CDPF1: variants seen among roughly 807,000 people sequenced by gnomAD.
CDPF1 encodes cysteine-rich DPF motif domain-containing protein 1.
CDPF1 carries 8 observed loss-of-function variants against 8.3 expected under a neutral mutation model. The ratio of observed to expected loss-of-function variants is 0.96; its 90% CI spans 0.57 to 1.74. CDPF1 has a LOEUF of 1.74. Among genes scored for constraint, CDPF1 ranks in the 40% most tolerant of loss-of-function variants. The pLI, the probability that CDPF1 is intolerant of heterozygous loss-of-function variation, is 0.00. For synonymous variants in CDPF1, 62 were observed against 62.9 expected, an observed-to-expected ratio of 0.99 and a Z score of 0.07; for missense variants, 151 against 155.3, an observed-to-expected ratio of 0.97 and a Z score of 0.15.
chr22:46,246,562 A>T lies in CDPF1; in HGVS notation c.225+548T>A. The stretch of plus-strand genomic sequence containing the variant: ...CACGCTGTGAAAGCCATGCTGCTCC[A>T]CTTCCATCCGTCCTTGGGTTTACAG... On this transcript the variant is annotated intron_variant, in intron 3 of 3. Coordinates refer to ENST00000314567, the MANE Select transcript of CDPF1 (RefSeq NM_207327.5). This position sits in a 1 kb window ranked among gnomAD's most constrained non-coding sequence, Gnocchi z 7.1. The T allele has an allele frequency of 1.5e-6, 2 of 1,333,192 alleles. No individual in the cohort carries two copies. The highest frequency in any genetic ancestry group is 2.0e-6 in the Non-Finnish European group (2 of 980,074). 82.6% of individuals were successfully genotyped at this position (1,333,192 alleles called of 1,614,324 possible).
Position 46,246,559 on chromosome 22 carries a change from T to G in CDPF1, c.225+551A>C. The G allele has an allele frequency of 7.6e-7, 1 of 1,312,264 alleles. No individual in the cohort carries two copies. Among genetic ancestry groups the G allele is most frequent in the South Asian group, 1.5e-5 (1 of 67,988 alleles). The allele number at this position is 1,312,264 out of a possible 1,614,324, so 81.3% of individuals were successfully genotyped here. On this transcript the variant is annotated intron_variant, in intron 3 of 3. Coordinates refer to ENST00000314567, the MANE Select transcript of CDPF1 (RefSeq NM_207327.5). The surrounding 1 kb of genome is among the most constrained non-coding windows in gnomAD (Gnocchi z 7.1). ...GGGCACGCTGTGAAAGCCATGCTGC[T>G]CCACTTCCATCCGTCCTTGGGTTTA...
rs998864957 is a variant in CDPF1 at position 46,246,800 on chromosome 22, A to G, written c.225+310T>C. On this transcript the variant is annotated intron_variant, in intron 3 of 3. Coordinates refer to ENST00000314567, the MANE Select transcript of CDPF1 (RefSeq NM_207327.5). The surrounding 1 kb of genome is among the most constrained non-coding windows in gnomAD (Gnocchi z 7.1). The stretch of plus-strand genomic sequence containing the variant: ...TGGAGATCCCTCCAAGAACATCTAG[A>G]AAGTAAGTCACCATCCTGGTGAGAG... 8 of 1,585,070 alleles carry G rather than the reference A, an allele frequency of 5.0e-6. No homozygotes were observed. The African/African-American group carries it at 1.1e-4, about 21-fold the overall frequency.
In CDPF1 at chr22:46,245,809, G is replaced by A. The variant is rs1936482412; in HGVS notation, c.226-571C>T. On this transcript the variant is annotated intron_variant, in intron 3 of 3. Coordinates refer to ENST00000314567, the MANE Select transcript of CDPF1 (RefSeq NM_207327.5). This position sits in a 1 kb window ranked among gnomAD's most constrained non-coding sequence, Gnocchi z 6.9. ...CATTCCCCAGCCCCCTCTGTAACTG[G>A]GCATCGCCATGTGACTCAGGCTGGT... Among the ~76,000 whole-genome samples, 1 of 152,204 alleles carries A rather than the reference G, an allele frequency of 6.6e-6. No homozygotes were observed. The highest frequency in any genetic ancestry group is 6.5e-5 in the Admixed American group (1 of 15,286).
rs1936491292 is a variant in CDPF1 at position 46,246,460 on chromosome 22, C to G, written c.225+650G>C. ...CTCGTCCCCCTGGCTATTGATACAGCTCCCCTTTGTGTGTGTCAACCTGTG... is the reference window on the plus strand; with the variant it reads ...CTCGTCCCCCTGGCTATTGATACAGGTCCCCTTTGTGTGTGTCAACCTGTG... On this transcript the variant is annotated intron_variant, in intron 3 of 3. Transcript: ENST00000314567. This position sits in a 1 kb window ranked among gnomAD's most constrained non-coding sequence, Gnocchi z 7.1. 6.6e-6 allele frequency among the ~76,000 whole-genome samples: 1 copy of G among 152,196 alleles called. No homozygotes were observed. Among genetic ancestry groups the G allele is most frequent in the Admixed American group, 6.5e-5 (1 of 15,280 alleles).
At position 46,245,045 on chromosome 22, in the gene CDPF1, A is replaced by T; in HGVS notation, c.*47T>A. On this transcript the variant is annotated 3_prime_UTR_variant, in exon 4 of 4. Transcript: ENST00000314567. This position sits in a 1 kb window ranked among gnomAD's most constrained non-coding sequence, Gnocchi z 6.9. Reference sequence around the variant, plus strand: ...CAGCATCCCTGGCGCAGGCTGGCCCAGGAGCTCTGTGCAGGGTGCCGCCCG... The same window carrying T: ...CAGCATCCCTGGCGCAGGCTGGCCCTGGAGCTCTGTGCAGGGTGCCGCCCG... 1.2e-6 allele frequency: 2 copies of T among 1,604,198 alleles called. No individual in the cohort carries two copies. Among genetic ancestry groups the T allele is most frequent in the Non-Finnish European group, 1.7e-6 (2 of 1,174,344 alleles).
chr22:46,247,163 G>A lies in CDPF1; in HGVS notation c.172C>T (p.Leu58=). The change falls in exon 3 of 4, where the codon CTG becomes TTG. Residue 58 remains leucine (L), a synonymous_variant. Transcript: ENST00000314567. The surrounding 1 kb of genome is among the most constrained non-coding windows in gnomAD (Gnocchi z 4.3). ...DPFTSDKDRF[L]VLGSCCSLCS... ...AAACTGCAGCACGAGCCGAGGACCA[G>A]GAATCTGTCCTTGTCGGAGGTGAAG... 6.2e-7 allele frequency: 1 copy of A among 1,614,162 alleles called. No individual in the cohort carries two copies. The highest frequency in any genetic ancestry group is 8.5e-7 in the Non-Finnish European group (1 of 1,180,012).
Position 46,247,914 on chromosome 22 carries a change from G to A in CDPF1, c.113+258C>T, listed in dbSNP as rs548205749. 1.0e-3 allele frequency among the ~76,000 whole-genome samples: 154 copies of A among 152,306 alleles called. No homozygotes were observed. The highest frequency in any genetic ancestry group is 3.3e-3 in the Admixed American group (51 of 15,308). ...GCCCCAAAGGGGGAGGCCACCACAG[G>A]TCCCCCAGCTGCTGAGCTGCTCCCC... On this transcript the variant is annotated intron_variant, in intron 2 of 3. Coordinates refer to ENST00000314567, the MANE Select transcript of CDPF1 (RefSeq NM_207327.5). This position sits in a 1 kb window ranked among gnomAD's most constrained non-coding sequence, Gnocchi z 4.3.
rs1256982255 is a variant in CDPF1, at chr22:46,249,744, G to C, written c.-1+512C>G. On this transcript the variant is annotated intron_variant, in intron 1 of 3. Coordinates refer to ENST00000314567, the MANE Select transcript of CDPF1 (RefSeq NM_207327.5). The surrounding 1 kb of genome is among the most constrained non-coding windows in gnomAD (Gnocchi z 4.6). ...ATCTACTCAGGAGACTGAGGTAGGA[G>C]AATCGCTTGAGCGGGGGGTTGGGGA... 8.6e-6 allele frequency among the ~76,000 whole-genome samples: 1 copy of C among 115,814 alleles called. No homozygotes were observed. The highest frequency in any genetic ancestry group is 3.3e-5 in the African/African-American group (1 of 30,112). The allele number at this position is 115,814 out of a possible 152,430, so 76.0% of individuals were successfully genotyped here. A position where few individuals can be genotyped will look rare whatever the true frequency, so the allele number is the denominator to read the frequency against.
Position 46,245,392 on chromosome 22 carries a change from G to C in CDPF1, c.226-154C>G, listed in dbSNP as rs1936473488. ...GCCAGAGCTAGACCAGCAAGAGGGAGAGCCAGGCCTGAGGGCCTGGCAGGG... is the reference window on the plus strand; with the variant it reads ...GCCAGAGCTAGACCAGCAAGAGGGACAGCCAGGCCTGAGGGCCTGGCAGGG... On this transcript the variant is annotated intron_variant, in intron 3 of 3. Coordinates refer to ENST00000314567, the MANE Select transcript of CDPF1 (RefSeq NM_207327.5). The surrounding 1 kb of genome is among the most constrained non-coding windows in gnomAD (Gnocchi z 6.9). Among the ~76,000 whole-genome samples the C allele has an allele frequency of 6.6e-6, 1 of 152,100 alleles. No individual in the cohort carries two copies. Among genetic ancestry groups the C allele is most frequent in the African/African-American group, 2.4e-5 (1 of 41,426 alleles).
Position 46,247,566 on chromosome 22 carries a change from C to T in CDPF1, c.114-345G>A, listed in dbSNP as rs1936510922. Reference sequence around the variant, plus strand: ...GGGCACAAGGCTGCCACCTGAATACCCCAGGCCTCCCTACACCCCAAGCCA... The same window carrying T: ...GGGCACAAGGCTGCCACCTGAATACTCCAGGCCTCCCTACACCCCAAGCCA... On this transcript the variant is annotated intron_variant, in intron 2 of 3. Coordinates refer to ENST00000314567, the MANE Select transcript of CDPF1 (RefSeq NM_207327.5). The surrounding 1 kb of genome is among the most constrained non-coding windows in gnomAD (Gnocchi z 4.3). Among the ~76,000 whole-genome samples, 2 of 152,250 alleles carry T rather than the reference C, an allele frequency of 1.3e-5. No homozygotes were observed. Among genetic ancestry groups the T allele is most frequent in the South Asian group, 4.2e-4 (2 of 4,800 alleles).
chr22:46,249,375 G>A lies in CDPF1; in HGVS notation c.-1+881C>T, dbSNP rs1936541284. 6.6e-6 allele frequency among the ~76,000 whole-genome samples: 1 copy of A among 152,186 alleles called. No individual in the cohort carries two copies. On this transcript the variant is annotated intron_variant, in intron 1 of 3. Coordinates refer to ENST00000314567, the MANE Select transcript of CDPF1 (RefSeq NM_207327.5). The surrounding 1 kb of genome is among the most constrained non-coding windows in gnomAD (Gnocchi z 4.6). ...CTTTAAAAGTTAAGTCTGGCCCGGTGTGGTTGCTCATACCTGTAATCCCAG... is the reference window on the plus strand; with the variant it reads ...CTTTAAAAGTTAAGTCTGGCCCGGTATGGTTGCTCATACCTGTAATCCCAG...
chr22:46,246,886 G>T lies in CDPF1; in HGVS notation c.225+224C>A, dbSNP rs566926911. On this transcript the variant is annotated intron_variant, in intron 3 of 3. Transcript: ENST00000314567. The surrounding 1 kb of genome is among the most constrained non-coding windows in gnomAD (Gnocchi z 7.1). Reference sequence around the variant, plus strand: ...GGGAGGAACCCTGAGGGGCCACTGGGGTGGGTGCAGAGCCACCAATTACCT... The same window carrying T: ...GGGAGGAACCCTGAGGGGCCACTGGTGTGGGTGCAGAGCCACCAATTACCT... The T allele has an allele frequency of 9.3e-6, 14 of 1,511,898 alleles. No homozygotes were observed. The African/African-American group carries it at 1.8e-4, about 19-fold the overall frequency. 93.7% of individuals were successfully genotyped at this position (1,511,898 alleles called of 1,614,324 possible). A position where few individuals can be genotyped will look rare whatever the true frequency, so the allele number is the denominator to read the frequency against.
chr22:46,245,129 G>C lies in CDPF1; in HGVS notation c.335C>G (p.Ser112Ter). The change falls in exon 4 of 4, where the codon TCA becomes TGA. Residue 112 changes from serine to a stop codon, truncating the protein, a stop_gained. Transcript: ENST00000314567. LOFTEE classifies it low-confidence loss of function (END_TRUNC). This position sits in a 1 kb window ranked among gnomAD's most constrained non-coding sequence, Gnocchi z 6.9. Reference protein sequence around the residue: ...RQDLEKRKAPSKRTPSQPGSR... With the variant: ...RQDLEKRKAP Reference sequence around the variant, plus strand: ...ACCGGGCTGGCTGGGGGTCCTCTTTGATGGAGCTTTCCTTTTCTCCAAGTC... The same window carrying C: ...ACCGGGCTGGCTGGGGGTCCTCTTTCATGGAGCTTTCCTTTTCTCCAAGTC... 6.2e-7 allele frequency: 1 copy of C among 1,614,244 alleles called. No individual in the cohort carries two copies. The highest frequency in any genetic ancestry group is 8.5e-7 in the Non-Finnish European group (1 of 1,180,028).
Position 46,249,919 on chromosome 22 carries a change from G to A in CDPF1, c.-1+337C>T, listed in dbSNP as rs900515850. Among the ~76,000 whole-genome samples, 1 of 152,154 alleles carries A rather than the reference G, an allele frequency of 6.6e-6. No individual in the cohort carries two copies. Among genetic ancestry groups the A allele is most frequent in the Admixed American group, 6.5e-5 (1 of 15,290 alleles). On this transcript the variant is annotated intron_variant, in intron 1 of 3. Transcript: ENST00000314567. This position sits in a 1 kb window ranked among gnomAD's most constrained non-coding sequence, Gnocchi z 4.6. ...TGATCCCGCTTCTCTTCTGCACGCC[G>A]GGGCGTCCTAGGCCCCTGCCGAGGC...
In CDPF1 at chr22:46,244,633, G is replaced by C. The variant is rs1936456643; in HGVS notation, c.*459C>G. On this transcript the variant is annotated 3_prime_UTR_variant, in exon 4 of 4. Transcript: ENST00000314567. The surrounding 1 kb of genome is among the most constrained non-coding windows in gnomAD (Gnocchi z 6.7). ...ATTCTATCCCCCTCTAGACCTTCCAGACTGGGTCCAGAAGGAGCTGCTGTC... is the reference window on the plus strand; with the variant it reads ...ATTCTATCCCCCTCTAGACCTTCCACACTGGGTCCAGAAGGAGCTGCTGTC... 1.2e-5 allele frequency: 2 copies of C among 164,726 alleles called. No homozygotes were observed. Among genetic ancestry groups the C allele is most frequent in the African/African-American group, 4.8e-5 (2 of 41,710 alleles). The allele number at this position is 164,726 out of a possible 1,614,324, so 10.2% of individuals were successfully genotyped here.
Position 46,246,342 on chromosome 22 carries a change from T to A in CDPF1, c.225+768A>T, listed in dbSNP as rs1309393118. On this transcript the variant is annotated intron_variant, in intron 3 of 3. Coordinates refer to ENST00000314567, the MANE Select transcript of CDPF1 (RefSeq NM_207327.5). The surrounding 1 kb of genome is among the most constrained non-coding windows in gnomAD (Gnocchi z 7.1). ...ACCTGGCCCACCCACCTTTGCAGTC[T>A]TCCTTTCCCAGCTTCTCCTGGACCA... Among the ~76,000 whole-genome samples, 5 of 150,312 alleles carry A rather than the reference T, an allele frequency of 3.3e-5. No individual in the cohort carries two copies. The highest frequency in any genetic ancestry group is 5.9e-5 in the Non-Finnish European group (4 of 67,684).
In CDPF1 at chr22:46,248,305, G is replaced by A. The variant is rs751831738; in HGVS notation, c.1-21C>T. On this transcript the variant is annotated intron_variant, in intron 1 of 3. Transcript: ENST00000314567. The surrounding 1 kb of genome is among the most constrained non-coding windows in gnomAD (Gnocchi z 4.1). ...GCCATCTGCAAGATCAAGAGATGGG[G>A]TGTCCCTGGGTCACAGGCTTTCTCA... is the stretch of plus-strand genomic sequence containing the variant. 8 of 1,500,270 alleles carry A rather than the reference G, an allele frequency of 5.3e-6. No individual in the cohort carries two copies. The highest frequency in any genetic ancestry group is 7.4e-6 in the Non-Finnish European group (8 of 1,081,048). 92.9% of individuals were successfully genotyped at this position (1,500,270 alleles called of 1,614,324 possible).
rs1020927460 is a variant in CDPF1 at position 46,249,407 on chromosome 22, G to A, written c.-1+849C>T. 1.3e-5 allele frequency among the ~76,000 whole-genome samples: 2 copies of A among 152,126 alleles called. No homozygotes were observed. Among genetic ancestry groups the A allele is most frequent in the Non-Finnish European group, 2.9e-5 (2 of 68,030 alleles). On this transcript the variant is annotated intron_variant, in intron 1 of 3. Coordinates refer to ENST00000314567, the MANE Select transcript of CDPF1 (RefSeq NM_207327.5). This position sits in a 1 kb window ranked among gnomAD's most constrained non-coding sequence, Gnocchi z 4.6. Reference sequence around the variant, plus strand: ...CTCATACCTGTAATCCCAGCACTCTGGTAGCCAGAGGCGGGCGGATTACCT... The same window carrying A: ...CTCATACCTGTAATCCCAGCACTCTAGTAGCCAGAGGCGGGCGGATTACCT...
Position 46,246,711 on chromosome 22 carries a change from A to C in CDPF1, c.225+399T>G, listed in dbSNP as rs780487057. The stretch of plus-strand genomic sequence containing the variant: ...AGGACTGAATGAAGCCTCAGCAGTA[A>C]AACAGGTCCCAAGCACAGGACCTGG... On this transcript the variant is annotated intron_variant, in intron 3 of 3. Transcript: ENST00000314567. The surrounding 1 kb of genome is among the most constrained non-coding windows in gnomAD (Gnocchi z 7.1). 1.3e-6 allele frequency: 2 copies of C among 1,597,144 alleles called. No individual in the cohort carries two copies. The highest frequency in any genetic ancestry group is 8.5e-7 in the Non-Finnish European group (1 of 1,172,256).
Sources: allele counts gnomAD v4.1 joint callset (sites outside exome capture counted in the v4.1 genomes callset), GRCh38; gene constraint gnomAD v4.1.1; non-coding constraint Gnocchi (gnomAD v3.1); transcripts MANE v1.5; gene names NCBI Gene and HGNC (gene_info 2026-07-23, HGNC 2026-07-21).